B4GALNT4: variants seen among roughly 807,000 people sequenced by gnomAD.
B4GALNT4 encodes the protein N-acetyl-beta-glucosaminyl-glycoprotein 4-beta-N-acetylgalactosaminyltransferase 1.
Under a neutral mutation model 110.0 loss-of-function variants are expected in B4GALNT4, and 77 were observed. The observed-to-expected ratio is 0.70, with a 90% CI of 0.58 to 0.85. The LOEUF (loss-of-function observed/expected upper bound fraction) is 0.85, where lower values mean the gene tolerates loss of function less well. Ranked by LOEUF, B4GALNT4 falls within the 40% of genes least tolerant of loss-of-function variation. The pLI, the probability that B4GALNT4 is intolerant of heterozygous loss-of-function variation, is 0.00. For missense variants in B4GALNT4, 1,575 were observed against 1,506.0 expected (o/e 1.05, Z -0.76); for synonymous variants, 785 against 655.5 (o/e 1.20, Z -3.02).
chr11:371,365 C>A (rs1035962462), intron 1 of B4GALNT4, among the ~76,000 whole-genome samples: 1 of 152,172 alleles, frequency 6.6e-6, no homozygotes, highest in Admixed American at 6.5e-5. Context: ...CAAGCCTGGG[C>A]AGGCCAGCTC....
chr11:381,065 C>T, intron 19 of B4GALNT4, 114 bp downstream of exon 19: 8 of 1,488,204 alleles, frequency 5.4e-6, no homozygotes, highest in Non-Finnish European at 5.3e-6. Flanking sequence ...GAGAACTCTG[C>T]CCTTCCCGGT....
chr11:379,562 A>T lies in B4GALNT4; in HGVS notation c.2349A>T (p.Gly783=). 1.1e-5 allele frequency: 17 copies of T among 1,587,272 alleles called. No homozygotes were observed. Among genetic ancestry groups the T allele is most frequent in the Non-Finnish European group, 1.4e-5 (16 of 1,168,850 alleles). The stretch of plus-strand genomic sequence containing the variant: ...AGTACGTCTTCCTGCGGCTGCCGGG[A>T]GCCCGCGTAGGGGATGCAGACGGAG... ...LSEYVFLRLP[G]ARVGDADGES... Residue 783 remains glycine (G), a synonymous_variant, in exon 15 of 20, where the codon GGA becomes GGT. Transcript: ENST00000329962.
In B4GALNT4 at chr11:376,057, G is replaced by GCCCCCCC. The variant is rs750527299; in HGVS notation, c.1096-16_1096-10dup. 3.2e-6 allele frequency: 5 copies of GCCCCCCC among 1,579,356 alleles called. No individual in the cohort carries two copies. The Admixed American group carries it at 5.0e-5, about 16-fold the overall frequency. On this transcript the variant is annotated splice_polypyrimidine_tract_variant and intron_variant, in intron 11 of 19. Coordinates refer to ENST00000329962, the MANE Select transcript of B4GALNT4 (RefSeq NM_178537.5). ...GGGAGGTCCGCGCCCTGAGCCCTGC[G>GCCCCCCC]CCCCCCCACCCCCCAGGTGTACCTG... is the stretch of plus-strand genomic sequence containing the variant.
At chr11:377,383 G>A in intron 14 of B4GALNT4, 56 bp downstream of exon 14, 1 of 1,437,028 alleles carries the variant, frequency 7.0e-7, no homozygotes, top group South Asian at 1.5e-5. Flanking sequence ...GACAGCCGGG[G>A]AGAGGAGGTC....
At position 375,647 on chromosome 11, in the gene B4GALNT4, G is replaced by A. The variant is rs961960202; in HGVS notation, c.859G>A (p.Ala287Thr). The A allele has an allele frequency of 1.4e-5, 23 of 1,592,236 alleles. No homozygotes were observed. The highest frequency in any genetic ancestry group is 1.7e-5 in the Non-Finnish European group (20 of 1,174,000). Residue 287 changes from alanine (A) to threonine (T), a missense_variant, in exon 10 of 20, where the codon GCC becomes ACC. Ala to Thr is a moderately conservative substitution (Grantham distance 58, BLOSUM62 0). Transcript: ENST00000329962. ...AHISLYTDES[A>T]LKMDHVAHVP... is the part of the protein sequence containing the mutation. ...AACTCTTCTGCCCCCAGATGAGTCAGCCTTGAAGATGGACCACGTGGCGCA... is the reference window on the plus strand; with the variant it reads ...AACTCTTCTGCCCCCAGATGAGTCAACCTTGAAGATGGACCACGTGGCGCA...
Position 381,970 on chromosome 11 carries a change from G to T in B4GALNT4, c.*178G>T, listed in dbSNP as rs1275499867. On this transcript the variant is annotated 3_prime_UTR_variant, in exon 20 of 20. Transcript: ENST00000329962. ...CCCTCCCCGGAGAGGCAGCCTTCAC[G>T]GCGGGTCAGGGCCTGGCCTTGGTCC... 4.6e-6 allele frequency: 3 copies of T among 654,946 alleles called. No individual in the cohort carries two copies. Among genetic ancestry groups the T allele is most frequent in the Non-Finnish European group, 6.9e-6 (3 of 431,812 alleles). 40.6% of individuals were successfully genotyped at this position (654,946 alleles called of 1,614,324 possible). A position where few individuals can be genotyped will look rare whatever the true frequency, so the allele number is the denominator to read the frequency against.
Position 376,061 on chromosome 11 carries a change from C to A in B4GALNT4, c.1096-13C>A. 1 of 1,602,288 alleles carries A rather than the reference C, an allele frequency of 6.2e-7. No homozygotes were observed. The highest frequency in any genetic ancestry group is 8.5e-7 in the Non-Finnish European group (1 of 1,171,146). On this transcript the variant is annotated splice_polypyrimidine_tract_variant and intron_variant, in intron 11 of 19. Transcript: ENST00000329962. ...GGTCCGCGCCCTGAGCCCTGCGCCC[C>A]CCCACCCCCCAGGTGTACCTGTCCT...
intron 1 of B4GALNT4, among the ~76,000 whole-genome samples, chr11:371,769 C>A (rs750053463): frequency 1.3e-5 from 2 of 152,256 alleles, no homozygotes; most frequent in African/African-American, 2.4e-5. Context: ...AGCCACTCAA[C>A]AAGAATGGCC....
At chr11:376,198 C>T (rs1285210886) in intron 12 of B4GALNT4, 24 bp downstream of exon 12, 2 of 336,338 alleles carry the variant, frequency 5.9e-6, no homozygotes, top group East Asian at 8.4e-5. Flanking sequence ...CGGGCTAATG[C>T]GGGGCGGGGT....
chr11:379,995 CCCT>C lies in B4GALNT4; in HGVS notation c.2619_2621del (p.Leu874del). ...AGCGAGGATATGGACGTGGAGCGGG[CCCT>C]GCGCGCCGCGCGCCTGCCCCGGTAA... On this transcript the variant is annotated inframe_deletion, in exon 16 of 20. Transcript: ENST00000329962. 1 of 1,612,804 alleles carries C rather than the reference CCCT, an allele frequency of 6.2e-7. No individual in the cohort carries two copies. The highest frequency in any genetic ancestry group is 1.3e-5 in the African/African-American group (1 of 75,054).
At chr11:377,472 C>A in intron 14 of B4GALNT4, 145 bp downstream of exon 14, 1 of 870,326 alleles carries the variant, frequency 1.1e-6, no homozygotes, top group Non-Finnish European at 1.6e-6. Flanking sequence ...CGCGCCCCAC[C>A]CCAGGGAAGC....
Position 375,932 on chromosome 11 carries a change from C to A in B4GALNT4, c.1071C>A (p.Ile357=). The A allele has an allele frequency of 1.2e-6, 2 of 1,612,034 alleles. No homozygotes were observed. Among genetic ancestry groups the A allele is most frequent in the Non-Finnish European group, 1.7e-6 (2 of 1,179,586 alleles). Residue 357 remains isoleucine, a synonymous_variant, in exon 11 of 20, where the codon ATC becomes ATA. Coordinates refer to ENST00000329962, the MANE Select transcript of B4GALNT4 (RefSeq NM_178537.5). ...CCTACGTGGTCAAGGACTTCCCGAT[C>A]GCCAGATACCAGGGCCTGCAATTTG... ...APTYVVKDFP[I]ARYQGLQFVY...
Position 380,580 on chromosome 11 carries a change from G to A in B4GALNT4, c.2869+135G>A. 4 of 1,353,186 alleles carry A rather than the reference G, an allele frequency of 3.0e-6. No individual in the cohort carries two copies. In the South Asian group the frequency reaches 5.0e-5, roughly 17 times the overall value. The allele number at this position is 1,353,186 out of a possible 1,614,324, so 83.8% of individuals were successfully genotyped here. A position where few individuals can be genotyped will look rare whatever the true frequency, so the allele number is the denominator to read the frequency against. On this transcript the variant is annotated intron_variant, in intron 18 of 19. Coordinates refer to ENST00000329962, the MANE Select transcript of B4GALNT4 (RefSeq NM_178537.5). Reference sequence around the variant, plus strand: ...ATCAGTGCTCCCCGTAGTGCCCAGAGCCCCAGTCCCCCCGCACCAGCACAC... The same window carrying A: ...ATCAGTGCTCCCCGTAGTGCCCAGAACCCCAGTCCCCCCGCACCAGCACAC...
In B4GALNT4 at chr11:373,985, C is replaced by T. The variant is rs541132149; in HGVS notation, c.783+157C>T. Among the ~76,000 whole-genome samples, 9 of 152,254 alleles carry T rather than the reference C, an allele frequency of 5.9e-5. No individual in the cohort carries two copies. In the South Asian group the frequency reaches 1.7e-3, roughly 28 times the overall value. On this transcript the variant is annotated intron_variant, in intron 8 of 19. Coordinates refer to ENST00000329962, the MANE Select transcript of B4GALNT4 (RefSeq NM_178537.5). ...GGGTCTGCTCTGCCCTCCTGGGGGG[C>T]TCGGTGAGGCTTCACTAGGAGTCAC...
rs772409502 is a variant in B4GALNT4, at chr11:380,283, AC to A, written c.2716-3del. The A allele has an allele frequency of 1.9e-6, 3 of 1,611,362 alleles. No homozygotes were observed. The highest frequency in any genetic ancestry group is 1.3e-5 in the African/African-American group (1 of 74,642). On this transcript the variant is annotated splice_polypyrimidine_tract_variant and splice_region_variant and intron_variant, in intron 17 of 19. Transcript: ENST00000329962. The stretch of plus-strand genomic sequence containing the variant: ...GGAGGGCGGGGCTCAGACCTCCCGC[AC>A]CCCCCAGGACGCCAGCAGCATCGTG...
intron 14 of B4GALNT4, 96 bp from the exon 15 acceptor site, chr11:379,322 C>T (rs948370557): frequency 5.9e-6 from 8 of 1,350,582 alleles, no homozygotes; most frequent in African/African-American, 1.5e-5. Context: ...TCCGCCAACT[C>T]CAAGTCGGCT....
intron 18 of B4GALNT4, 111 bp from the exon 19 acceptor site, chr11:380,714 G>C (rs1434315308): frequency 1.3e-6 from 2 of 1,552,038 alleles, no homozygotes; most frequent in Admixed American, 3.3e-5. Flanking sequence ...AAGCCCCCGT[G>C]GTGATGGGAC....
At chr11:370,003 G>GGGCGCGGGCGGCGCGGGGGGCGCGGGC (rs1554913309) in intron 1 of B4GALNT4, 49 bp downstream of exon 1, 2 of 140,764 alleles carry the variant, frequency 1.4e-5, no homozygotes, top group Non-Finnish European at 1.2e-5. Flanking sequence ...GCGGCGCGGG[G>GGGCGCGGGCGGCGCGGGGGGCGCGGGC]GGCGCGGGGG....
In B4GALNT4 at chr11:375,894, G is replaced by A. The variant is rs930747233; in HGVS notation, c.1033G>A (p.Ala345Thr). Residue 345 changes from alanine to threonine, a missense_variant, in exon 11 of 20, where the codon GCC becomes ACC. Physicochemically the swap from Ala to Thr is moderately conservative, Grantham distance 58. Coordinates refer to ENST00000329962, the MANE Select transcript of B4GALNT4 (RefSeq NM_178537.5). The stretch of plus-strand genomic sequence containing the variant: ...CCTGGAGAACGTGCTGGAGCCCTGC[G>A]CCTACGCCCCCACCTACGTGGTCAA... ...SSLENVLEPC[A>T]YAPTYVVKDF... The A allele has an allele frequency of 1.2e-6, 2 of 1,611,884 alleles. No homozygotes were observed. The highest frequency in any genetic ancestry group is 1.3e-5 in the African/African-American group (1 of 74,974).
Sources: allele counts gnomAD v4.1 joint callset (sites outside exome capture counted in the v4.1 genomes callset), GRCh38; gene constraint gnomAD v4.1.1; transcripts MANE v1.5; gene names NCBI Gene and HGNC (gene_info 2026-07-23, HGNC 2026-07-21).